Variants in CSMD1 observed in about 807,000 individuals in gnomAD.
CSMD1 encodes CUB and Sushi multiple domains 1, also known as CUB and sushi domain-containing protein 1.
CSMD1 carries 213 observed loss-of-function variants against 417.5 expected under a neutral mutation model. The observed-to-expected ratio is 0.51, with a 90% CI of 0.46 to 0.57. The LOEUF (loss-of-function observed/expected upper bound fraction) is 0.57. CSMD1 is among the 20% of genes least tolerant of loss of function. CSMD1 has a pLI of 0.00. For missense variants in CSMD1, 6,923 were observed against 4,529.7 expected, an observed-to-expected ratio of 1.53 and a Z score of -15.17; for synonymous variants, 2,862 against 1,736.8, an observed-to-expected ratio of 1.65 and a Z score of -16.11.
rs550457114 is a variant in CSMD1, at chr8:3,771,195, T to G, written c.819-17153A>C. On this transcript the variant is annotated intron_variant, in intron 5 of 69. Coordinates refer to ENST00000635120, the MANE Select transcript of CSMD1 (RefSeq NM_033225.6). ...GTGCACTTTGGGGAAAAACGATGACTACTCTTTTTGGGGCCAGCTACTTTG... is the reference window on the plus strand; with the variant it reads ...GTGCACTTTGGGGAAAAACGATGACGACTCTTTTTGGGGCCAGCTACTTTG... 3.4e-4 allele frequency among the ~76,000 whole-genome samples: 52 copies of G among 152,238 alleles called. 1 individual carries two copies. The South Asian group carries it at 1.0e-2, about 29-fold the overall frequency.
chr8:3,721,468 A>C (rs1802171361), intron 6 of CSMD1, among the ~76,000 whole-genome samples: 1 of 152,190 alleles, frequency 6.6e-6, no homozygotes, highest in Admixed American at 6.5e-5. Context: ...TGAGTCCATT[A>C]GTTTAACATC....
intron 49 of CSMD1, among the ~76,000 whole-genome samples, chr8:3,072,543 G>C (rs1179612930): frequency 6.6e-6 from 1 of 152,170 alleles, no homozygotes; most frequent in Admixed American, 6.5e-5. Flanking sequence ...GAAGAGCACA[G>C]TTCTTGGCGT....
intron 1 of CSMD1, among the ~76,000 whole-genome samples, chr8:4,806,758 C>T (rs1798611354): frequency 6.6e-6 from 1 of 152,092 alleles, no homozygotes; most frequent in African/African-American, 2.4e-5. Context: ...TGAAAACCAC[C>T]CATTTGATCA....
chr8:4,382,680 T>C (rs1363075016), intron 3 of CSMD1, among the ~76,000 whole-genome samples: 1 of 152,210 alleles, frequency 6.6e-6, no homozygotes, highest in Non-Finnish European at 1.5e-5. Flanking sequence ...GCATAAATAA[T>C]GTAAATTAAG....
At chr8:4,822,824 T>A (rs1244655249) in intron 1 of CSMD1, among the ~76,000 whole-genome samples, 3 of 152,110 alleles carry the variant, frequency 2.0e-5, no homozygotes, top group Non-Finnish European at 2.9e-5. Context: ...TGAAACCATA[T>A]GTATTTTGTC....
At chr8:2,965,686 C>T (rs983931917) in intron 59 of CSMD1, 89 bp downstream of exon 59, 1 of 1,163,506 alleles carries the variant, frequency 8.6e-7, no homozygotes, top group African/African-American at 1.5e-5. Context: ...CCTAGAAGGG[C>T]TACATAAATG....
chr8:3,599,180 T>A (rs375471028), intron 8 of CSMD1, among the ~76,000 whole-genome samples: 3 of 150,844 alleles, frequency 2.0e-5, no homozygotes, highest in African/African-American at 4.9e-5. Context: ...TGTGTGTGTG[T>A]GAGATGAGGG....
intron 7 of CSMD1, among the ~76,000 whole-genome samples, chr8:3,677,853 C>T (rs985773241): frequency 5.3e-5 from 8 of 152,126 alleles, no homozygotes; most frequent in African/African-American, 7.2e-5. Context: ...AACTCTAAAC[C>T]CCCTTGCTGA....
At chr8:3,996,921 A>C (rs1191425479) in intron 5 of CSMD1, among the ~76,000 whole-genome samples, 2 of 152,192 alleles carry the variant, frequency 1.3e-5, no homozygotes, top group Non-Finnish European at 2.9e-5. Context: ...AATATGCTTC[A>C]TGTTTGACAT....
intron 3 of CSMD1, among the ~76,000 whole-genome samples, chr8:4,366,561 C>T (rs1584963961): frequency 2.0e-5 from 3 of 152,042 alleles, no homozygotes; most frequent in African/African-American, 7.2e-5. Flanking sequence ...AAAAACGTTA[C>T]TTTTTTTTCT....
At chr8:3,782,175 G>A (rs1465815436) in intron 5 of CSMD1, among the ~76,000 whole-genome samples, 1 of 152,150 alleles carries the variant, frequency 6.6e-6, no homozygotes, top group East Asian at 1.9e-4. Flanking sequence ...AGTCAAAGAA[G>A]TTCATGTCAC....
chr8:4,240,453 C>A (rs185481785), intron 3 of CSMD1, among the ~76,000 whole-genome samples: 1 of 152,270 alleles, frequency 6.6e-6, no homozygotes, highest in African/African-American at 2.4e-5. Context: ...GAACTTATTT[C>A]CACATCTCAG....
intron 1 of CSMD1, among the ~76,000 whole-genome samples, chr8:4,843,423 T>C (rs1800951337): frequency 6.9e-6 from 1 of 145,536 alleles, no homozygotes; most frequent in African/African-American, 2.7e-5. Flanking sequence ...TTACAGTACA[T>C]TTGGAGAGAT....
intron 2 of CSMD1, among the ~76,000 whole-genome samples, chr8:4,619,948 T>C (rs535852747): frequency 6.6e-6 from 1 of 152,248 alleles, no homozygotes; most frequent in South Asian, 2.1e-4. Context: ...TTTATATTTA[T>C]ATGCTGAAGA....
At chr8:3,546,759 T>C (rs761984540) in intron 10 of CSMD1, among the ~76,000 whole-genome samples, 1 of 152,354 alleles carries the variant, frequency 6.6e-6, no homozygotes, top group Middle Eastern at 3.4e-3. Context: ...TGCACAGTTG[T>C]GTTTCATGAC....
At chr8:3,599,270 T>C (rs1426407534) in intron 8 of CSMD1, among the ~76,000 whole-genome samples, 1 of 151,948 alleles carries the variant, frequency 6.6e-6, no homozygotes, top group East Asian at 1.9e-4. Flanking sequence ...TGTATCCACC[T>C]CCTCATGTGG....
chr8:3,718,777 A>G (rs1801979971), intron 6 of CSMD1, among the ~76,000 whole-genome samples: 1 of 152,172 alleles, frequency 6.6e-6, no homozygotes. Flanking sequence ...TTACCAAATC[A>G]GGGACCCCAT....
intron 26 of CSMD1, among the ~76,000 whole-genome samples, chr8:3,247,170 A>C (rs919590257): frequency 2.6e-5 from 4 of 152,170 alleles, no homozygotes; most frequent in Non-Finnish European, 5.9e-5. Flanking sequence ...GGGCAAGGGC[A>C]GAAAGAGGCT....
chr8:3,509,087 G>A (rs932241650), intron 10 of CSMD1, among the ~76,000 whole-genome samples: 1 of 152,022 alleles, frequency 6.6e-6, no homozygotes, highest in Non-Finnish European at 1.5e-5. Context: ...CTTTACCTGG[G>A]GACAAAATTA....
Sources: allele counts gnomAD v4.1 joint callset (sites outside exome capture counted in the v4.1 genomes callset), GRCh38; gene constraint gnomAD v4.1.1; transcripts MANE v1.5; gene names NCBI Gene and HGNC (gene_info 2026-07-23, HGNC 2026-07-21).